The following E2F7 variants were observed in gnomAD, a reference collection of about 807,000 sequenced individuals.
E2F7 encodes the protein transcription factor E2F7.
E2F7 carries 35 observed loss-of-function variants against 81.1 expected under a neutral mutation model. That is an observed-to-expected ratio of 0.43 (90% CI 0.33 to 0.57). E2F7 has a LOEUF of 0.57. E2F7 is among the 20% of genes least tolerant of loss of function. E2F7 has a pLI of 0.04. For missense variants in E2F7, 961 were observed against 1,093.7 expected, an observed-to-expected ratio of 0.88 and a Z score of 1.71; for synonymous variants, 416 against 416.2, an observed-to-expected ratio of 1.00 and a Z score of 0.01.
At chr12:77,036,417 T>TG (rs763594631) in intron 7 of E2F7, among the ~76,000 whole-genome samples, 3 of 152,032 alleles carry the variant, frequency 2.0e-5, no homozygotes, top group Non-Finnish European at 4.4e-5. Context: ...CCCAGCACTT[T>TG]GGGAGGCTGA....
At chr12:77,045,200 A>C (rs1203275296) in intron 5 of E2F7, among the ~76,000 whole-genome samples, 4 of 152,204 alleles carry the variant, frequency 2.6e-5, no homozygotes, top group Non-Finnish European at 5.9e-5. Flanking sequence ...CTCCATTTTT[A>C]TTTCTCTGTG....
chr12:77,049,674 A>G (rs1954970605), intron 4 of E2F7, among the ~76,000 whole-genome samples: 1 of 152,214 alleles, frequency 6.6e-6, no homozygotes, highest in Non-Finnish European at 1.5e-5. Context: ...GTTTCCAACA[A>G]CCAAAATCTG....
At chr12:77,050,520 A>C in intron 4 of E2F7, 56 bp downstream of exon 4, 17 of 1,584,240 alleles carry the variant, frequency 1.1e-5, no homozygotes, top group Non-Finnish European at 1.4e-5. Flanking sequence ...TGCCCAAGGA[A>C]ACCAGTTTCC....
intron 6 of E2F7, 123 bp from the exon 7 acceptor site, chr12:77,043,322 TGAG>T (rs1954909625): frequency 1.6e-6 from 2 of 1,280,518 alleles, no homozygotes; most frequent in Admixed American, 1.9e-5. Context: ...CAGGTTGGGA[TGAG>T]GAGACCAGTG....
At position 77,025,784 on chromosome 12, in the gene E2F7, G is replaced by T. The variant is rs780127387; in HGVS notation, c.2339C>A (p.Pro780His). The T allele has an allele frequency of 6.2e-7, 1 of 1,614,100 alleles. No homozygotes were observed. The highest frequency in any genetic ancestry group is 1.3e-5 in the African/African-American group (1 of 75,010). ...AAGGCCAGGCAAGCTGAAATTCACA[G>T]GTCCTGTGTTTGGGAGAGCACCAAG... ...STLGALPNTG[P>H]VNFSLPGLGS... Residue 780 changes from proline (P) to histidine (H), a missense_variant, in exon 12 of 13, where the codon CCT (proline) becomes CAT (histidine). Transcript: ENST00000322886.
Position 77,029,892 on chromosome 12 carries a change from G to C in E2F7, c.1823C>G (p.Pro608Arg). The change falls in exon 10 of 13, where the codon CCA becomes CGA. Residue 608 changes from proline to arginine, a missense_variant. By Grantham distance (103) the Pro-to-Arg change is moderately radical (BLOSUM62 -2). This residue lies in a region of E2F7 where 587 missense variants were observed against 620.3 expected (regional missense o/e 0.95). Transcript: ENST00000322886. ...TTCCCTACTTTGCCTTTTAGTGGCT[G>C]GCTCATCCTCCTCCTGAGGTTTCCT... is the stretch of plus-strand genomic sequence containing the variant. ...EERKPQEEDE[P>R]ATKRQSREYE... 1 of 1,614,202 alleles carries C rather than the reference G, an allele frequency of 6.2e-7. No homozygotes were observed. The highest frequency in any genetic ancestry group is 1.1e-5 in the South Asian group (1 of 91,082).
In E2F7 at chr12:77,021,521, G is replaced by C. The variant is rs1048429476; in HGVS notation, c.*2494C>G. On this transcript the variant is annotated 3_prime_UTR_variant, in exon 13 of 13. Coordinates refer to ENST00000322886, the MANE Select transcript of E2F7 (RefSeq NM_203394.3). ...GTTAAAAGAAAGTTATTTAAATACA[G>C]AAATAGCACCTTACAAAAAGGAATT... 3 of 152,576 alleles carry C rather than the reference G, an allele frequency of 2.0e-5. No homozygotes were observed. Among genetic ancestry groups the C allele is most frequent in the Non-Finnish European group, 4.4e-5 (3 of 68,014 alleles). The allele number at this position is 152,576 out of a possible 1,614,324, so 9.5% of individuals were successfully genotyped here. A position where few individuals can be genotyped will look rare whatever the true frequency, so the allele number is the denominator to read the frequency against.
At chr12:77,048,403 G>A (rs1954960595) in intron 4 of E2F7, among the ~76,000 whole-genome samples, 1 of 152,112 alleles carries the variant, frequency 6.6e-6, no homozygotes, top group Admixed American at 6.5e-5. Context: ...TTGCTGATGG[G>A]ACTTACTAAG....
chr12:77,061,902 C>T (rs1955081521), intron 2 of E2F7, among the ~76,000 whole-genome samples: 4 of 152,258 alleles, frequency 2.6e-5, no homozygotes, highest in Admixed American at 2.6e-4. Flanking sequence ...GTAGGTTGAG[C>T]TTCCTCATCC....
intron 3 of E2F7, 73 bp downstream of exon 3, chr12:77,055,782 T>C: frequency 2.0e-6 from 3 of 1,508,818 alleles, no homozygotes; most frequent in Non-Finnish European, 1.8e-6. Flanking sequence ...AAGTTGACAG[T>C]TCTATGATTT....
At chr12:77,051,539 T>C (rs1227341209) in intron 3 of E2F7, among the ~76,000 whole-genome samples, 1 of 152,000 alleles carries the variant, frequency 6.6e-6, no homozygotes, top group Non-Finnish European at 1.5e-5. Flanking sequence ...CTAATGTAAA[T>C]GATGAGTTAA....
rs1954978414 is a variant in E2F7 at position 77,050,607 on chromosome 12, G to A, written c.507C>T (p.Thr169=). 1.2e-6 allele frequency: 2 copies of A among 1,614,004 alleles called. No homozygotes were observed. Among genetic ancestry groups the A allele is most frequent in the East Asian group, 4.5e-5 (2 of 44,872 alleles). ...PSYPLSTEKT[T]ISLDEVAVSL... The stretch of plus-strand genomic sequence containing the variant: ...TGACAGCAACTTCATCTAGGGAGAT[G>A]GTAGTTTTCTCAGTTGACAAGGGAT... Residue 169 remains threonine (T), a synonymous_variant, in exon 4 of 13, where the codon ACC becomes ACT. Transcript: ENST00000322886.
At chr12:77,041,986 C>G (rs1317932507) in intron 7 of E2F7, among the ~76,000 whole-genome samples, 1 of 152,146 alleles carries the variant, frequency 6.6e-6, no homozygotes, top group African/African-American at 2.4e-5. Context: ...TGCAGTTGTT[C>G]AGATGAGACA....
At chr12:77,062,594 G>GT (rs5799302) in intron 2 of E2F7, among the ~76,000 whole-genome samples, 3 of 151,946 alleles carry the variant, frequency 2.0e-5, no homozygotes, top group African/African-American at 7.3e-5. Context: ...AGTCACTTGA[G>GT]TTTTTTTTCC....
intron 2 of E2F7, among the ~76,000 whole-genome samples, chr12:77,062,329 T>G (rs1361932905): frequency 1.3e-5 from 2 of 152,196 alleles, no homozygotes; most frequent in Non-Finnish European, 2.9e-5. Flanking sequence ...ATATTTGTTT[T>G]AGGTCACATA....
chr12:77,029,142 C>G (rs2120627571), intron 10 of E2F7, among the ~76,000 whole-genome samples: 1 of 152,186 alleles, frequency 6.6e-6, no homozygotes, highest in African/African-American at 2.4e-5. Flanking sequence ...CAACCCCAGG[C>G]TATCTACAAA....
chr12:77,034,311 C>A (rs1954831281), intron 7 of E2F7, among the ~76,000 whole-genome samples: 1 of 152,022 alleles, frequency 6.6e-6, no homozygotes, highest in South Asian at 2.1e-4. Flanking sequence ...AGAAGTAGAG[C>A]AAGATGTTCT....
chr12:77,040,594 A>G (rs116214445), intron 7 of E2F7, among the ~76,000 whole-genome samples: 1 of 152,358 alleles, frequency 6.6e-6, no homozygotes, highest in African/African-American at 2.4e-5. Flanking sequence ...AATAACGAAG[A>G]TCAACCATAC....
chr12:77,026,248 A>G (rs1310525126), intron 11 of E2F7, among the ~76,000 whole-genome samples: 2 of 152,170 alleles, frequency 1.3e-5, no homozygotes, highest in South Asian at 2.1e-4. Context: ...CAAACTGAGA[A>G]GGCAAAAAGC....
Sources: gnomAD v4.1 joint callset for allele counts (sites outside exome capture counted in the v4.1 genomes callset) on GRCh38, gnomAD v4.1.1 for gene constraint, gnomAD v4.1.1 regional missense constraint, MANE v1.5 for transcripts, NCBI Gene and HGNC (gene_info 2026-07-23, HGNC 2026-07-21) for gene names.